MAGEC3: variants seen among roughly 807,000 people sequenced by gnomAD.
The protein encoded by MAGEC3 is melanoma-associated antigen C3.
MAGEC3 carries 34 observed loss-of-function variants against 35.3 expected under a neutral mutation model. The ratio of observed to expected loss-of-function variants is 0.96; its 90% CI spans 0.73 to 1.28. The LOEUF (loss-of-function observed/expected upper bound fraction) is 1.28. MAGEC3 is among the 50% of genes most tolerant of loss of function. The pLI, the probability that MAGEC3 is intolerant of heterozygous loss-of-function variation, is 0.00. For missense variants in MAGEC3, 561 were observed against 483.6 expected, an observed-to-expected ratio of 1.16 and a Z score of -1.50; for synonymous variants, 202 against 185.6, an observed-to-expected ratio of 1.09 and a Z score of -0.72.
chrX:141,873,329 A>G (rs1263026337), intron 2 of MAGEC3, among the ~76,000 whole-genome samples: 2 of 110,914 alleles, frequency 1.8e-5, no homozygotes, highest in Non-Finnish European at 3.8e-5. Flanking sequence ...CCTGAAGGGA[A>G]AGGAATGTGC....
At chrX:141,862,468 A>G (rs1379928901) in intron 1 of MAGEC3, among the ~76,000 whole-genome samples, 1 of 112,516 alleles carries the variant, frequency 8.9e-6, no homozygotes, top group African/African-American at 3.2e-5. Flanking sequence ...AATATATCAA[A>G]GGAATACCTG....
intron 2 of MAGEC3, among the ~76,000 whole-genome samples, chrX:141,871,411 A>T (rs897130560): frequency 4.3e-4 from 48 of 111,743 alleles, no homozygotes; most frequent in African/African-American, 1.4e-3. Context: ...AAGGAGTCCC[A>T]GGCCACCAGA....
rs1178875637 is a variant in MAGEC3, at chrX:141,897,673, G to A, written c.1773G>A (p.Lys591=). ...PAREVLEFLS[K]LSSIIPSAFP... is the part of the protein sequence containing the mutation. The stretch of plus-strand genomic sequence containing the variant: ...GAGAAGTCTTAGAGTTTTTATCCAA[G>A]CTATCCAGTATCATCCCTAGTGCCT... The change falls in exon 8 of 8, where the codon AAG becomes AAA. Residue 591 remains lysine, a synonymous_variant. Transcript: ENST00000298296. 1.7e-6 allele frequency: 2 copies of A among 1,209,571 alleles called. No individual in the cohort carries two copies. The highest frequency in any genetic ancestry group is 1.8e-5 in the African/African-American group (1 of 57,139).
At chrX:141,888,894 G>C (rs1385645371) in intron 4 of MAGEC3, among the ~76,000 whole-genome samples, 1 of 112,348 alleles carries the variant, frequency 8.9e-6, no homozygotes, top group African/African-American at 3.2e-5. Context: ...TTCCATCATG[G>C]AAAGGGCAGC....
At chrX:141,894,570 G>T (rs888036792) in intron 4 of MAGEC3, 5 of 824,090 alleles carry the variant, frequency 6.1e-6, no homozygotes, top group Non-Finnish European at 6.2e-6. Context: ...GACAGGAGAA[G>T]GGGGGAGTGC....
chrX:141,878,783 C>T (rs762094737), intron 2 of MAGEC3, among the ~76,000 whole-genome samples: 22 of 111,995 alleles, frequency 2.0e-4, no homozygotes, highest in Admixed American at 1.9e-3. Context: ...TAGCGCTTTT[C>T]ACTTCGTCTT....
At chrX:141,881,178 TTCC>T (rs1216205198) in intron 3 of MAGEC3, among the ~76,000 whole-genome samples, 26 of 110,056 alleles carry the variant, frequency 2.4e-4, no homozygotes, top group East Asian at 2.3e-3. Flanking sequence ...CTTTCTCCTC[TTCC>T]TCCTCCTCCT....
chrX:141,881,873 A>G, intron 4 of MAGEC3, 77 bp downstream of exon 4: 2 of 1,145,234 alleles, frequency 1.7e-6, no homozygotes, highest in South Asian at 1.9e-5. Flanking sequence ...CAGGGACATT[A>G]CCTGGAGTAG....
chrX:141,890,054 T>C (rs757420192), intron 4 of MAGEC3, among the ~76,000 whole-genome samples: 29 of 112,106 alleles, frequency 2.6e-4, no homozygotes, highest in Non-Finnish European at 5.1e-4. Context: ...GTGTGTTAAC[T>C]TTATGTAATA....
chrX:141,892,563 AATTATTATTATTTAATAATAATG>A lies in MAGEC3; in HGVS notation c.910-2693_910-2671del, dbSNP rs751011098. Among the ~76,000 whole-genome samples, 136 of 111,371 alleles carry A rather than the reference AATTATTATTATTTAATAATAATG, an allele frequency of 1.2e-3. 7 individuals are homozygous for A. In the East Asian group the frequency reaches 0.026, roughly 21 times the overall value. ...TTAATTCTCTCACATTAACAGAGGAAATTATTATTATTTAATAATAATGATTATTATTATTCCCCATAATTGTC... is the reference window on the plus strand; with the variant it reads ...TTAATTCTCTCACATTAACAGAGGAAATTATTATTATTCCCCATAATTGTC... On this transcript the variant is annotated intron_variant, in intron 4 of 7. Coordinates refer to ENST00000298296, the MANE Select transcript of MAGEC3 (RefSeq NM_138702.1).
At chrX:141,894,380 C>T (rs1400656227) in intron 4 of MAGEC3, among the ~76,000 whole-genome samples, 3 of 111,811 alleles carry the variant, frequency 2.7e-5, no homozygotes, top group South Asian at 3.7e-4. Flanking sequence ...TAAAAGATCA[C>T]GCACAGGCTG....
chrX:141,876,751 G>A (rs2017922169), intron 2 of MAGEC3, among the ~76,000 whole-genome samples: 1 of 112,173 alleles, frequency 8.9e-6, no homozygotes, highest in Non-Finnish European at 1.9e-5. Flanking sequence ...TAGGGTTTTT[G>A]TATGGATATT....
At chrX:141,844,505 T>C (rs1461215283) in intron 1 of MAGEC3, among the ~76,000 whole-genome samples, 1 of 111,187 alleles carries the variant, frequency 9.0e-6, no homozygotes, top group Non-Finnish European at 1.9e-5. Flanking sequence ...CACTTAAAAT[T>C]TGTTGGTCTT....
rs371591180 is a variant in MAGEC3, at chrX:141,897,485, G to A, written c.1727G>A (p.Gly576Glu). Residue 576 changes from glycine to glutamate, a missense_variant and splice_region_variant, in exon 7 of 8, where the codon GGG (glycine) becomes GAG (glutamate). Gly to Glu is a moderately conservative substitution (Grantham distance 98). Coordinates refer to ENST00000298296, the MANE Select transcript of MAGEC3 (RefSeq NM_138702.1). ...EVIWEVLSAI[G>E]PIQRPAREVL... is the part of the protein sequence containing the mutation. ...ATCTGGGAAGTGTTGAGTGCAATAGGGGTGTGTGCTGGGAGGGAGCACTTT... is the reference window on the plus strand; with the variant it reads ...ATCTGGGAAGTGTTGAGTGCAATAGAGGTGTGTGCTGGGAGGGAGCACTTT... 18 of 1,203,001 alleles carry A rather than the reference G, an allele frequency of 1.5e-5. No individual in the cohort carries two copies. The highest frequency in any genetic ancestry group is 1.9e-5 in the Non-Finnish European group (17 of 892,039).
chrX:141,893,535 AT>A (rs2124127579), intron 4 of MAGEC3, among the ~76,000 whole-genome samples: 1 of 110,368 alleles, frequency 9.1e-6, no homozygotes, highest in Non-Finnish European at 1.9e-5. Context: ...ACGTTGAGTG[AT>A]TCCTGATGTA....
At chrX:141,877,402 C>A (rs2017926799) in intron 2 of MAGEC3, among the ~76,000 whole-genome samples, 1 of 111,655 alleles carries the variant, frequency 9.0e-6, no homozygotes, top group South Asian at 3.7e-4. Flanking sequence ...CTTTCATTTT[C>A]ATACTCTTTC....
intron 4 of MAGEC3, among the ~76,000 whole-genome samples, chrX:141,886,441 A>T (rs141375087): frequency 1.8e-5 from 2 of 110,949 alleles, no homozygotes; most frequent in African/African-American, 6.6e-5. Context: ...TTCCCCAAGG[A>T]CACCTCTGGC....
At chrX:141,882,847 A>G (rs1303779666) in intron 4 of MAGEC3, among the ~76,000 whole-genome samples, 1 of 111,706 alleles carries the variant, frequency 9.0e-6, no homozygotes, top group African/African-American at 3.3e-5. Context: ...TAAGTTTCAA[A>G]AAAGTGGGGA....
At chrX:141,859,663 A>G (rs1280367563) in intron 1 of MAGEC3, among the ~76,000 whole-genome samples, 1 of 111,351 alleles carries the variant, frequency 9.0e-6, no homozygotes, top group Non-Finnish European at 1.9e-5. Flanking sequence ...AGTGACTCTA[A>G]AAGGTGGAAT....
Sources: allele counts gnomAD v4.1 joint callset (sites outside exome capture counted in the v4.1 genomes callset), GRCh38; gene constraint gnomAD v4.1.1; transcripts MANE v1.5; gene names NCBI Gene and HGNC (gene_info 2026-07-23, HGNC 2026-07-21).